Variants in APOL5 observed in about 807,000 individuals in gnomAD.
APOL5 encodes apolipoprotein L, 5.
A neutral mutation model predicts 35.5 loss-of-function variants in APOL5; 29 were observed. The observed-to-expected ratio is 0.82, with a 90% CI of 0.61 to 1.11. The LOEUF (loss-of-function observed/expected upper bound fraction) is 1.11, where lower values mean the gene tolerates loss of function less well. APOL5 is among the 50% of genes most tolerant of loss of function. APOL5 has a pLI of 0.00. For synonymous variants in APOL5, 188 were observed against 200.2 expected, an observed-to-expected ratio of 0.94 and a Z score of 0.51; for missense variants, 514 against 530.4, an observed-to-expected ratio of 0.97 and a Z score of 0.30.
At chr22:35,724,281 T>C (rs5999981) in intron 2 of APOL5, among the ~76,000 whole-genome samples, 14,621 of 146,960 alleles carry the variant, frequency 0.099, 2,479 homozygotes, top group African/African-American at 0.35. Flanking sequence ...AGTGAAGCCC[T>C]GTCTCAAAAA....
rs1927206801 is a variant in APOL5 at position 35,727,276 on chromosome 22, C to T, written c.1126+82C>T. On this transcript the variant is annotated intron_variant, in intron 3 of 4. Transcript: ENST00000249044. ...AGGGTGGGGGGCGACGAATGCTAAA[C>T]GGACACATCAGTGCATAACTACAGC... 5.2e-6 allele frequency: 8 copies of T among 1,525,386 alleles called. No homozygotes were observed. The South Asian group carries it at 8.7e-5, about 17-fold the overall frequency. The allele number at this position is 1,525,386 out of a possible 1,614,324, so 94.5% of individuals were successfully genotyped here.
At chr22:35,718,232 C>A (rs1227429222) in intron 1 of APOL5, among the ~76,000 whole-genome samples, 1 of 152,216 alleles carries the variant, frequency 6.6e-6, no homozygotes, top group African/African-American at 2.4e-5. Flanking sequence ...AGGGGTCAAT[C>A]ACTGGTTCCA....
At chr22:35,725,811 G>C (rs1040434978) in intron 2 of APOL5, among the ~76,000 whole-genome samples, 4 of 152,182 alleles carry the variant, frequency 2.6e-5, no homozygotes, top group African/African-American at 9.6e-5. Flanking sequence ...GTTATCTCGA[G>C]GAGCAATTGG....
chr22:35,725,331 T>C (rs1927111574), intron 2 of APOL5, among the ~76,000 whole-genome samples: 1 of 152,136 alleles, frequency 6.6e-6, no homozygotes, highest in South Asian at 2.1e-4. Flanking sequence ...AGTGGCGCTA[T>C]TTCGGCTCAC....
Position 35,728,746 on chromosome 22 carries a change from C to T in APOL5, c.1150C>T (p.Pro384Ser). 6.8e-6 allele frequency: 11 copies of T among 1,613,088 alleles called. No individual in the cohort carries two copies. Among genetic ancestry groups the T allele is most frequent in the Non-Finnish European group, 9.3e-6 (11 of 1,179,544 alleles). ...AGGGTCTCGCTCACCTCTCCCCTGG[C>T]CTGTTGTGGAGCACCAGCCTAGGCT... ...PEGSRSPLPW[P>S]VVEHQPRLGP... Residue 384 changes from proline to serine, a missense_variant, in exon 4 of 5, where the codon CCT (proline) becomes TCT (serine). Physicochemically the swap from Pro to Ser is moderately conservative, Grantham distance 74. Transcript: ENST00000249044.
intron 2 of APOL5, 76 bp downstream of exon 2, chr22:35,720,730 C>G (rs1926942247): frequency 9.4e-7 from 1 of 1,059,782 alleles, no homozygotes; most frequent in African/African-American, 1.6e-5. Flanking sequence ...ACAGACCCAG[C>G]ACTCAATGAG....
chr22:35,728,470 G>A (rs559879465), intron 3 of APOL5, among the ~76,000 whole-genome samples: 4 of 152,286 alleles, frequency 2.6e-5, no homozygotes, highest in Admixed American at 2.0e-4. Flanking sequence ...TGATCCACCC[G>A]CCTCAGCCTC....
intron 1 of APOL5, among the ~76,000 whole-genome samples, chr22:35,719,755 C>T (rs946917843): frequency 4.6e-5 from 7 of 152,310 alleles, no homozygotes; most frequent in South Asian, 4.1e-4. Flanking sequence ...TTGCAGCTCC[C>T]GAGCCCCAGT....
At chr22:35,709,048 CT>C in the APOL5 span, among the ~76,000 whole-genome samples, 1 of 152,096 alleles carries the variant, frequency 6.6e-6, no homozygotes, top group Admixed American at 6.6e-5. Context: ...GATGTCAAGT[CT>C]TTTTTTCATT....
rs1368272261 is a variant in APOL5 at position 35,717,931 on chromosome 22, G to C, written c.55+5G>C. ...CCGGTTCCAAGGTGTTACCTGGTAA[G>C]TTCTTTTAAGCTTTCAGAAAACAAG... On this transcript the variant is annotated splice_donor_5th_base_variant and intron_variant, in intron 1 of 4. Transcript: ENST00000249044. 3.8e-6 allele frequency: 6 copies of C among 1,571,120 alleles called. No individual in the cohort carries two copies. Among genetic ancestry groups the C allele is most frequent in the Non-Finnish European group, 5.2e-6 (6 of 1,159,018 alleles).
chr22:35,720,736 A>T (rs1393948442), intron 2 of APOL5, 82 bp downstream of exon 2: 1 of 1,022,086 alleles, frequency 9.8e-7, no homozygotes, highest in East Asian at 2.5e-5. Context: ...CCAGCACTCA[A>T]TGAGTATTTG....
intron 2 of APOL5, among the ~76,000 whole-genome samples, chr22:35,721,256 G>T (rs35352893): frequency 2.3e-4 from 35 of 151,958 alleles, no homozygotes; most frequent in African/African-American, 8.0e-4. Context: ...TAAAACCTTT[G>T]GTAAGGGCAG....
the APOL5 span, among the ~76,000 whole-genome samples, chr22:35,711,094 C>T: frequency 1.3e-5 from 2 of 152,266 alleles, no homozygotes; most frequent in African/African-American, 2.4e-5. Context: ...CGCTTGAAGC[C>T]GGGAGTGGGA....
Position 35,726,902 on chromosome 22 carries a change from A to C in APOL5, c.834A>C (p.Arg278Ser). 1 of 1,614,138 alleles carries C rather than the reference A, an allele frequency of 6.2e-7. No individual in the cohort carries two copies. The highest frequency in any genetic ancestry group is 1.3e-5 in the African/African-American group (1 of 75,032). ...TCTGGACGGCTAGAGGGGTGCAGAG[A>C]GCCTTTGAGGGCACAACTCTGGCCA... is the stretch of plus-strand genomic sequence containing the variant. The part of the protein sequence containing the change: ...IPFWTARGVQ[R>S]AFEGTTLAMT... The change falls in exon 3 of 5, where the codon AGA (arginine) becomes AGC (serine). Residue 278 changes from arginine to serine, a missense_variant. Arg to Ser is a moderately radical substitution (Grantham distance 110). Coordinates refer to ENST00000249044, the MANE Select transcript of APOL5 (RefSeq NM_030642.1).
At chr22:35,715,950 A>T (rs1926730516), upstream of APOL5, among the ~76,000 whole-genome samples, 3 of 152,238 alleles carry the variant, frequency 2.0e-5, no homozygotes, top group South Asian at 6.2e-4. Flanking sequence ...AATAATTATA[A>T]CAAAAAATAA....
At chr22:35,715,773 G>A (rs8136655), upstream of APOL5, among the ~76,000 whole-genome samples, 108,345 of 151,678 alleles carry the variant, frequency 0.71, 39,308 homozygotes, top group African/African-American at 0.83. Flanking sequence ...GCAGGAAAGC[G>A]CAGATAACAC....
Position 35,726,937 on chromosome 22 carries a change from G to A in APOL5, c.869G>A (p.Gly290Asp), listed in dbSNP as rs375203436. The A allele has an allele frequency of 1.2e-6, 2 of 1,614,112 alleles. No individual in the cohort carries two copies. The highest frequency in any genetic ancestry group is 2.7e-5 in the African/African-American group (2 of 74,940). The part of the protein sequence containing the change: ...FEGTTLAMTN[G>D]AWVMGAAGAG... ...GGCACAACTCTGGCCATGACCAATG[G>A]TGCCTGGGTGATGGGTGCTGCTGGG... The change falls in exon 3 of 5, where the codon GGT becomes GAT. Residue 290 changes from glycine (G) to aspartate (D), a missense_variant. Around this residue, in one of 3 missense-constraint regions of APOL5, gnomAD observed 238 missense variants for 229.1 expected, o/e 1.04. Transcript: ENST00000249044.
chr22:35,727,889 A>G (rs1927224501), intron 3 of APOL5, among the ~76,000 whole-genome samples: 4 of 152,250 alleles, frequency 2.6e-5, no homozygotes. Context: ...GAAACAAGAA[A>G]ACTGCTACCA....
chr22:35,726,596 G>C lies in APOL5; in HGVS notation c.528G>C (p.Leu176Phe). ...SLMLSATGTG[L>F]GAAAAITNIV... ...TGCTCTCAGCAACTGGGACAGGGTT[G>C]GGGGCAGCAGCTGCCATCACCAACA... Residue 176 changes from leucine to phenylalanine, a missense_variant, in exon 3 of 5, where the codon TTG (leucine) becomes TTC (phenylalanine). Transcript: ENST00000249044. The C allele has an allele frequency of 6.2e-7, 1 of 1,614,166 alleles. No individual in the cohort carries two copies. The highest frequency in any genetic ancestry group is 8.5e-7 in the Non-Finnish European group (1 of 1,180,018).
Sources: allele counts gnomAD v4.1 joint callset (sites outside exome capture counted in the v4.1 genomes callset), GRCh38; gene constraint gnomAD v4.1.1; regional missense constraint gnomAD v4.1.1; transcripts MANE v1.5; gene names NCBI Gene and HGNC (gene_info 2026-07-23, HGNC 2026-07-21).